Variants in PIK3C2G observed in about 807,000 individuals in gnomAD.
PIK3C2G encodes phosphatidylinositol 3-kinase C2 domain-containing subunit gamma.
Under a neutral mutation model 181.1 loss-of-function variants are expected in PIK3C2G, and 168 were observed. That is an observed-to-expected ratio of 0.93 (90% confidence interval 0.82 to 1.05). PIK3C2G has a LOEUF of 1.05. Among genes scored for constraint, PIK3C2G ranks in the 50% least tolerant of loss-of-function variants. The pLI is 0.00. For missense variants in PIK3C2G, 1,869 were observed against 1,732.8 expected (o/e 1.08, Z -1.40); for synonymous variants, 573 against 592.2 (o/e 0.97, Z 0.47).
the PIK3C2G span, among the ~76,000 whole-genome samples, chr12:18,662,510 G>A: frequency 4.6e-5 from 7 of 151,976 alleles, no homozygotes; most frequent in Admixed American, 2.0e-4. Flanking sequence ...TTAAAAAAAA[G>A]GCTTTGTGAA....
intron 18 of PIK3C2G, among the ~76,000 whole-genome samples, chr12:18,430,319 C>A (rs367845980): frequency 2.5e-4 from 38 of 152,258 alleles, no homozygotes; most frequent in African/African-American, 8.9e-4. Flanking sequence ...GAATGAAAAA[C>A]TGTCTGGTAG....
At chr12:18,422,733 A>G (rs1394422418) in intron 17 of PIK3C2G, among the ~76,000 whole-genome samples, 1 of 152,130 alleles carries the variant, frequency 6.6e-6, no homozygotes, top group African/African-American at 2.4e-5. Context: ...GTTCAAGAAG[A>G]AATAATGGGC....
At chr12:18,407,109 A>G (rs912044298) in intron 16 of PIK3C2G, among the ~76,000 whole-genome samples, 3 of 152,104 alleles carry the variant, frequency 2.0e-5, no homozygotes, top group Admixed American at 1.3e-4. Context: ...TACATATGAG[A>G]GCATTCAATA....
At chr12:18,424,538 A>G (rs1945680516) in intron 18 of PIK3C2G, 3 of 161,990 alleles carry the variant, frequency 1.9e-5, no homozygotes, top group Non-Finnish European at 2.8e-5. Flanking sequence ...AAGAAATAAG[A>G]CTGATTCATA....
chr12:18,406,415 C>A (rs539755767), intron 16 of PIK3C2G, among the ~76,000 whole-genome samples: 3 of 151,782 alleles, frequency 2.0e-5, no homozygotes, highest in African/African-American at 4.8e-5. Context: ...ATTACTGGGT[C>A]GTATTTTAAT....
chr12:18,642,298 G>A (rs528453307), intron 32 of PIK3C2G, among the ~76,000 whole-genome samples: 377 of 152,262 alleles, frequency 2.5e-3, no homozygotes, highest in African/African-American at 7.8e-3. Context: ...AAAATGTGAT[G>A]TTTAAGTCAA....
chr12:18,309,099 A>G (rs780631069), intron 5 of PIK3C2G, among the ~76,000 whole-genome samples: 1 of 150,064 alleles, frequency 6.7e-6, no homozygotes, highest in Non-Finnish European at 1.5e-5. Context: ...ATCAACAAGT[A>G]ATAGTCTTTT....
intron 31 of PIK3C2G, among the ~76,000 whole-genome samples, chr12:18,639,265 A>T (rs780918959): frequency 3.2e-4 from 48 of 152,266 alleles, no homozygotes; most frequent in Middle Eastern, 3.4e-3. Context: ...AATATATATC[A>T]TATTTTCTTG....
At chr12:18,464,821 C>T (rs1937679148) in intron 18 of PIK3C2G, among the ~76,000 whole-genome samples, 1 of 151,968 alleles carries the variant, frequency 6.6e-6, no homozygotes, top group African/African-American at 2.4e-5. Flanking sequence ...AGTATAAATG[C>T]ATCACAATTT....
intron 26 of PIK3C2G, among the ~76,000 whole-genome samples, chr12:18,559,913 G>A (rs1304424806): frequency 2.8e-5 from 4 of 143,066 alleles, no homozygotes; most frequent in Non-Finnish European, 3.0e-5. Context: ...GCCCAGTCTC[G>A]GCTCACTGCA....
intron 5 of PIK3C2G, among the ~76,000 whole-genome samples, chr12:18,309,780 T>C (rs1950564703): frequency 6.6e-6 from 1 of 151,872 alleles, no homozygotes; most frequent in Non-Finnish European, 1.5e-5. Flanking sequence ...ATGTACACCC[T>C]GGAAGTGTCT....
At chr12:18,312,152 G>T (rs1024284115) in intron 5 of PIK3C2G, among the ~76,000 whole-genome samples, 5 of 152,110 alleles carry the variant, frequency 3.3e-5, no homozygotes, top group African/African-American at 1.2e-4. Context: ...TAATCATTTG[G>T]CAACACACTC....
In PIK3C2G at chr12:18,320,963, A is replaced by G. The variant is rs376288222; in HGVS notation, c.1139A>G (p.His380Arg). The G allele has an allele frequency of 5.8e-6, 9 of 1,547,146 alleles. No individual in the cohort carries two copies. The highest frequency in any genetic ancestry group is 7.1e-6 in the Non-Finnish European group (8 of 1,124,396). Residue 380 changes from histidine (H) to arginine (R), a missense_variant and splice_region_variant, in exon 7 of 33, where the codon CAT becomes CGT. Physicochemically the swap from His to Arg is conservative, Grantham distance 29. Transcript: ENST00000538779. ...ATTAATATATTCTGCTGTCTACAGC[A>G]TGAAGAGGACCACAGTCAGTTTTAT... ...REAPGKLSRK[H>R]EEDHSQFYLN...
At chr12:18,492,606 C>T (rs1221630531) in intron 20 of PIK3C2G, among the ~76,000 whole-genome samples, 3 of 152,152 alleles carry the variant, frequency 2.0e-5, no homozygotes, top group Non-Finnish European at 2.9e-5. Flanking sequence ...TAATGCTGCA[C>T]ATATGTAGGA....
intron 24 of PIK3C2G, among the ~76,000 whole-genome samples, chr12:18,513,274 T>A (rs1942328314): frequency 6.6e-6 from 1 of 151,828 alleles, no homozygotes; most frequent in African/African-American, 2.4e-5. Flanking sequence ...TGTAGTGTGC[T>A]TTTCTGGGTT....
intron 31 of PIK3C2G, among the ~76,000 whole-genome samples, chr12:18,618,625 T>C (rs1255527827): frequency 6.6e-6 from 1 of 151,946 alleles, no homozygotes; most frequent in Non-Finnish European, 1.5e-5. Flanking sequence ...GAAAAGACAA[T>C]AGATACACTC....
chr12:18,703,194 A>G, the PIK3C2G span, among the ~76,000 whole-genome samples: 2 of 152,134 alleles, frequency 1.3e-5, no homozygotes, highest in Non-Finnish European at 2.9e-5. Flanking sequence ...TCTTTCCACC[A>G]CAATTGAACA....
chr12:18,468,405 C>T (rs1184841927), intron 18 of PIK3C2G, among the ~76,000 whole-genome samples: 1 of 152,022 alleles, frequency 6.6e-6, no homozygotes, highest in East Asian at 1.9e-4. Flanking sequence ...CTCTATTCAC[C>T]ACCTCACAAC....
chr12:18,608,954 T>C (rs1367247429), intron 30 of PIK3C2G, among the ~76,000 whole-genome samples: 1 of 152,110 alleles, frequency 6.6e-6, no homozygotes. Context: ...AAAACGTTTA[T>C]ATGAGTTTGA....
Sources: allele counts gnomAD v4.1 joint callset (sites outside exome capture counted in the v4.1 genomes callset), GRCh38; gene constraint gnomAD v4.1.1; transcripts MANE v1.5; gene names NCBI Gene and HGNC (gene_info 2026-07-23, HGNC 2026-07-21).